Variants in MAPK10 observed in about 807,000 individuals in gnomAD.
MAPK10 encodes the protein JNK3 alpha protein kinase.
In MAPK10, 25 loss-of-function variants were observed where a neutral mutation model predicts 59.3. The ratio of observed to expected loss-of-function variants is 0.42; its 90% confidence interval spans 0.31 to 0.59. MAPK10 has a LOEUF of 0.59. MAPK10 is among the 20% of genes least tolerant of loss of function. The pLI is 0.15. For synonymous variants in MAPK10, 190 were observed against 200.5 expected, an observed-to-expected ratio of 0.95 and a Z score of 0.44; for missense variants, 351 against 568.9, an observed-to-expected ratio of 0.62 and a Z score of 3.90.
chr4:86,525,613 G>A (rs527393218), intron 1 of MAPK10, among the ~76,000 whole-genome samples: 7 of 152,118 alleles, frequency 4.6e-5, no homozygotes, highest in African/African-American at 1.2e-4. Context: ...GTTTCATAAC[G>A]GAGAAAAGTG....
intron 3 of MAPK10, among the ~76,000 whole-genome samples, chr4:86,169,822 G>A (rs1322792869): frequency 2.6e-5 from 4 of 151,872 alleles, no homozygotes; most frequent in Non-Finnish European, 4.4e-5. Context: ...GAGAAAGGTC[G>A]GGTTACCCAC....
chr4:86,060,726 T>C (rs1028695485), intron 11 of MAPK10, among the ~76,000 whole-genome samples: 1 of 152,174 alleles, frequency 6.6e-6, no homozygotes, highest in African/African-American at 2.4e-5. Flanking sequence ...TGTGTCTTTA[T>C]TTTGGTTTAA....
intron 1 of MAPK10, among the ~76,000 whole-genome samples, chr4:86,583,688 G>A (rs1350311829): frequency 6.6e-6 from 1 of 152,146 alleles, no homozygotes; most frequent in Non-Finnish European, 1.5e-5. Flanking sequence ...TCTAATGTGA[G>A]AAAATAACCC....
At chr4:86,494,162 T>G (rs924102157) in intron 1 of MAPK10, among the ~76,000 whole-genome samples, 1 of 152,210 alleles carries the variant, frequency 6.6e-6, no homozygotes, top group Non-Finnish European at 1.5e-5. Flanking sequence ...ATACCAGCTA[T>G]TCACTAGATT....
At chr4:86,494,956 G>A (rs148510299) in intron 1 of MAPK10, among the ~76,000 whole-genome samples, 1 of 144,902 alleles carries the variant, frequency 6.9e-6, no homozygotes, top group African/African-American at 2.6e-5. Context: ...CAATCTTAAG[G>A]AGTTGGATAA....
chr4:86,098,558 C>A lies in MAPK10; in HGVS notation c.768G>T (p.Met256Ile), dbSNP rs756205634. 1.5e-5 allele frequency: 24 copies of A among 1,613,418 alleles called. No homozygotes were observed. The highest frequency in any genetic ancestry group is 2.0e-5 in the Non-Finnish European group (24 of 1,179,492). ...IWSVGCIMGE[M>I]VRHKILFPGR... Reference sequence around the variant, plus strand: ...CTGGAAAGAGGATTTTGTGGCGAACCATTTCTCCCATAATGCATCCCACAG... The same window carrying A: ...CTGGAAAGAGGATTTTGTGGCGAACAATTTCTCCCATAATGCATCCCACAG... The change falls in exon 9 of 14, where the codon ATG (methionine) becomes ATT (isoleucine). Residue 256 changes from methionine to isoleucine, a missense_variant. Coordinates refer to ENST00000641462, the MANE Select transcript of MAPK10 (RefSeq NM_138982.4).
intron 1 of MAPK10, among the ~76,000 whole-genome samples, chr4:86,555,653 T>G (rs1194337877): frequency 6.6e-6 from 1 of 152,210 alleles, no homozygotes; most frequent in Admixed American, 6.5e-5. Context: ...AGTATACACA[T>G]TTTATTATTT....
chr4:86,332,243 T>C (rs1455120915), intron 2 of MAPK10, among the ~76,000 whole-genome samples: 1 of 152,220 alleles, frequency 6.6e-6, no homozygotes, highest in Non-Finnish European at 1.5e-5. Flanking sequence ...AATAAAACTT[T>C]AAATAAACTT....
At chr4:86,263,038 A>G (rs2094071961) in intron 2 of MAPK10, among the ~76,000 whole-genome samples, 1 of 152,170 alleles carries the variant, frequency 6.6e-6, no homozygotes, top group African/African-American at 2.4e-5. Context: ...GTGGTGAATC[A>G]GGGGCTGCAA....
At chr4:86,288,588 T>C (rs574392447) in intron 2 of MAPK10, among the ~76,000 whole-genome samples, 1 of 152,206 alleles carries the variant, frequency 6.6e-6, no homozygotes, top group Non-Finnish European at 1.5e-5. Flanking sequence ...AGAGGTTCCT[T>C]GAATTGCTTC....
intron 9 of MAPK10, among the ~76,000 whole-genome samples, chr4:86,091,905 CT>C (rs2053277156): frequency 6.6e-6 from 1 of 151,960 alleles, no homozygotes; most frequent in African/African-American, 2.4e-5. Flanking sequence ...ATCTCCTGAC[CT>C]TGTGATCTGC....
intron 4 of MAPK10, among the ~76,000 whole-genome samples, chr4:86,113,429 G>A (rs185092386): frequency 6.6e-6 from 1 of 152,268 alleles, no homozygotes; most frequent in African/African-American, 2.4e-5. Context: ...AATTCCCTCA[G>A]CATTTGCTTG....
intron 2 of MAPK10, among the ~76,000 whole-genome samples, chr4:86,202,397 C>T (rs934687675): frequency 2.0e-5 from 3 of 151,780 alleles, no homozygotes; most frequent in African/African-American, 7.3e-5. Flanking sequence ...TATTTAAGAC[C>T]TTCTCAAGGA....
chr4:86,448,639 A>T (rs1750334006), intron 1 of MAPK10, among the ~76,000 whole-genome samples: 1 of 152,068 alleles, frequency 6.6e-6, no homozygotes, highest in Admixed American at 6.6e-5. Flanking sequence ...ACAGCTTCTA[A>T]CCCAGCACTC....
Position 86,574,547 on chromosome 4 carries a change from C to G in MAPK10, c.-263+19363G>C, listed in dbSNP as rs530355720. Among the ~76,000 whole-genome samples the G allele has an allele frequency of 1.8e-4, 28 of 152,166 alleles. No homozygotes were observed. In the South Asian group the frequency reaches 2.5e-3, roughly 14 times the overall value. On this transcript the variant is annotated intron_variant, in intron 1 of 4. Coordinates refer to the MAPK10 transcript ENST00000502302. ...ACGGTGTAAAAGTGTTCCTATTTCT[C>G]CACATCCTCTCCAGCACCTGTTGTT...
rs1408349522 is a variant in MAPK10 at position 86,015,208 on chromosome 4, A to G, written c.*2020T>C. On this transcript the variant is annotated 3_prime_UTR_variant, in exon 14 of 14. Coordinates refer to ENST00000641462, the MANE Select transcript of MAPK10 (RefSeq NM_138982.4). ...TTATTTTAAACAAATGACTGCGTGT[A>G]CTGAATCTGACTGTGTGAAATAATC... 1 of 152,184 alleles carries G rather than the reference A, an allele frequency of 6.6e-6. No individual in the cohort carries two copies. The highest frequency in any genetic ancestry group is 1.5e-5 in the Non-Finnish European group (1 of 68,032). The allele number at this position is 152,184 out of a possible 1,614,324, so 9.4% of individuals were successfully genotyped here. A position where few individuals can be genotyped will look rare whatever the true frequency, so the allele number is the denominator to read the frequency against.
At chr4:86,246,087 T>C (rs2093066319) in intron 2 of MAPK10, among the ~76,000 whole-genome samples, 1 of 152,136 alleles carries the variant, frequency 6.6e-6, no homozygotes. Context: ...AAATTGAAAC[T>C]CATCATTACA....
chr4:86,417,770 C>T (rs1055611199), intron 1 of MAPK10, among the ~76,000 whole-genome samples: 1 of 152,194 alleles, frequency 6.6e-6, no homozygotes, highest in African/African-American at 2.4e-5. Flanking sequence ...TCCTGCTGCC[C>T]CACCTAGAGG....
chr4:86,264,214 C>A (rs1234719548), intron 2 of MAPK10, among the ~76,000 whole-genome samples: 3 of 152,174 alleles, frequency 2.0e-5, no homozygotes, highest in Non-Finnish European at 4.4e-5. Context: ...ATGCAACATA[C>A]TATGACAGCC....
Sources: allele counts gnomAD v4.1 joint callset (sites outside exome capture counted in the v4.1 genomes callset), GRCh38; gene constraint gnomAD v4.1.1; transcripts MANE v1.5; gene names NCBI Gene and HGNC (gene_info 2026-07-23, HGNC 2026-07-21).